Variants in PDE4D observed in about 807,000 individuals in gnomAD.
The protein encoded by PDE4D is 3',5'-cyclic-AMP phosphodiesterase 4D.
In PDE4D, 24 loss-of-function variants were observed where a neutral mutation model predicts 87.4. The ratio of observed to expected loss-of-function variants is 0.27; its 90% CI spans 0.20 to 0.39. PDE4D has a LOEUF of 0.39. PDE4D is among the 10% of genes least tolerant of loss of function. The pLI is 1.00. For missense variants in PDE4D, 714 were observed against 1,041.0 expected (o/e 0.69, Z 4.32); for synonymous variants, 384 against 383.2 (o/e 1.00, Z -0.02).
At chr5:60,087,341 A>G (rs1774644449) in intron 2 of PDE4D, among the ~76,000 whole-genome samples, 1 of 152,186 alleles carries the variant, frequency 6.6e-6, no homozygotes, top group Non-Finnish European at 1.5e-5. Flanking sequence ...ACATAAAGAC[A>G]CAAGGATTGT....
At chr5:60,288,105 T>C (rs1320258130) in intron 1 of PDE4D, among the ~76,000 whole-genome samples, 1 of 152,254 alleles carries the variant, frequency 6.6e-6, no homozygotes, top group Non-Finnish European at 1.5e-5. Flanking sequence ...GTTCTAACAG[T>C]GTGCTGTGTT....
chr5:59,282,559 C>T (rs772637677), intron 1 of PDE4D, among the ~76,000 whole-genome samples: 4 of 142,142 alleles, frequency 2.8e-5, no homozygotes, highest in Non-Finnish European at 4.5e-5. Flanking sequence ...AGGAGAATTG[C>T]TTCAACTTGG....
chr5:60,346,641 C>T (rs952527601), intron 1 of PDE4D, among the ~76,000 whole-genome samples: 2 of 152,114 alleles, frequency 1.3e-5, no homozygotes, highest in African/African-American at 4.8e-5. Context: ...GAATGTGCAT[C>T]CCCTGGCCTC....
At chr5:60,052,183 C>T (rs1040994821) in intron 2 of PDE4D, among the ~76,000 whole-genome samples, 1 of 152,158 alleles carries the variant, frequency 6.6e-6, no homozygotes, top group East Asian at 1.9e-4. Flanking sequence ...CTCCCTAACT[C>T]ATTTTATGAA....
intron 2 of PDE4D, among the ~76,000 whole-genome samples, chr5:60,084,432 G>A (rs529752579): frequency 4.6e-5 from 7 of 151,856 alleles, no homozygotes; most frequent in Admixed American, 1.3e-4. Context: ...GCATGCGCAC[G>A]CATGTGTGTG....
intron 5 of PDE4D, among the ~76,000 whole-genome samples, chr5:59,049,607 A>G (rs1467595914): frequency 6.6e-6 from 1 of 152,232 alleles, no homozygotes; most frequent in Non-Finnish European, 1.5e-5. Flanking sequence ...ATACACCAGT[A>G]TGATGTTTGG....
At chr5:59,874,807 G>A (rs1748320592) in intron 1 of PDE4D, among the ~76,000 whole-genome samples, 1 of 152,138 alleles carries the variant, frequency 6.6e-6, no homozygotes, top group Non-Finnish European at 1.5e-5. Flanking sequence ...GACTAATGGA[G>A]CATTAATCTG....
chr5:60,050,598 C>G (rs1292432242), intron 2 of PDE4D, among the ~76,000 whole-genome samples: 1 of 152,184 alleles, frequency 6.6e-6, no homozygotes, highest in East Asian at 1.9e-4. Flanking sequence ...ACTGTAAAGA[C>G]CATCAACACT....
chr5:59,411,831 C>A (rs13189942), intron 1 of PDE4D, among the ~76,000 whole-genome samples: 13,369 of 152,260 alleles, frequency 0.088, 701 homozygotes, highest in Middle Eastern at 0.16. Context: ...TTAAAAAATT[C>A]TTAACACTAC....
chr5:59,758,493 G>A (rs6889294), intron 1 of PDE4D, among the ~76,000 whole-genome samples: 70,417 of 151,992 alleles, frequency 0.46, 16,890 homozygotes, highest in African/African-American at 0.54. Context: ...GAGTATTTAT[G>A]TCCTTAAAAC....
At chr5:58,992,031 A>G in intron 7 of PDE4D, 27 bp from the exon 8 acceptor site, 1 of 1,369,168 alleles carries the variant, frequency 7.3e-7, no homozygotes, top group Non-Finnish European at 9.9e-7. Flanking sequence ...AATGTTCTAT[A>G]TTTATTATTA....
intron 1 of PDE4D, among the ~76,000 whole-genome samples, chr5:60,300,094 G>A (rs1753764493): frequency 6.6e-6 from 1 of 152,002 alleles, no homozygotes; most frequent in Admixed American, 6.6e-5. Flanking sequence ...CAGCTGTCCT[G>A]ACTGGTGTGA....
intron 2 of PDE4D, among the ~76,000 whole-genome samples, chr5:60,037,135 A>C (rs1020378192): frequency 1.3e-5 from 2 of 152,312 alleles, no homozygotes; most frequent in East Asian, 3.9e-4. Context: ...CTAGATGAGA[A>C]TGTATGTGGA....
At chr5:59,518,847 T>C (rs756919781) in intron 1 of PDE4D, among the ~76,000 whole-genome samples, 49 of 152,332 alleles carry the variant, frequency 3.2e-4, no homozygotes, top group Non-Finnish European at 5.6e-4. Flanking sequence ...AAGAAGAAAC[T>C]TTATATCACA....
At chr5:59,173,379 A>T (rs531048209) in intron 5 of PDE4D, among the ~76,000 whole-genome samples, 1 of 152,232 alleles carries the variant, frequency 6.6e-6, no homozygotes, top group Non-Finnish European at 1.5e-5. Flanking sequence ...TTCATTTGTA[A>T]GAAAGAGAAC....
intron 1 of PDE4D, among the ~76,000 whole-genome samples, chr5:59,287,856 A>G (rs184452587): frequency 3.3e-5 from 5 of 152,228 alleles, no homozygotes. Context: ...ATCCAAGACT[A>G]CTAAGGTGGT....
intron 3 of PDE4D, among the ~76,000 whole-genome samples, chr5:59,903,701 C>T (rs1752524608): frequency 6.6e-6 from 1 of 152,122 alleles, no homozygotes; most frequent in Non-Finnish European, 1.5e-5. Flanking sequence ...CTGAAGCACA[C>T]AGAAGATGGT....
At chr5:60,044,058 T>G (rs952533286) in intron 2 of PDE4D, among the ~76,000 whole-genome samples, 4 of 152,140 alleles carry the variant, frequency 2.6e-5, no homozygotes, top group Non-Finnish European at 4.4e-5. Context: ...TGTCTTTAGT[T>G]TTCTGTGATT....
chr5:58,976,531 T>C (rs991891672), intron 12 of PDE4D, 59 bp from the exon 13 acceptor site: 30 of 1,299,244 alleles, frequency 2.3e-5, no homozygotes, highest in Non-Finnish European at 3.1e-5. Flanking sequence ...CATGAAAATA[T>C]TACGCAGAAT....
Sources: allele counts gnomAD v4.1 joint callset (sites outside exome capture counted in the v4.1 genomes callset), GRCh38; gene constraint gnomAD v4.1.1; transcripts MANE v1.5; gene names NCBI Gene and HGNC (gene_info 2026-07-23, HGNC 2026-07-21).